The following KCNQ1 variants were observed in gnomAD, a reference collection of about 807,000 sequenced individuals.
KCNQ1 encodes potassium voltage-gated channel subfamily Q member 1, also known as potassium voltage-gated channel subfamily KQT member 1.
In KCNQ1, 49 loss-of-function variants were observed where a neutral mutation model predicts 72.4. The ratio of observed to expected loss-of-function variants is 0.68; its 90% confidence interval spans 0.54 to 0.86. The LOEUF (loss-of-function observed/expected upper bound fraction) is 0.86. Among genes scored for constraint, KCNQ1 ranks in the 40% least tolerant of loss-of-function variants. KCNQ1 has a pLI of 0.00. For missense variants in KCNQ1, 790 were observed against 945.1 expected (o/e 0.84, Z 2.15); for synonymous variants, 450 against 412.6 (o/e 1.09, Z -1.10).
Position 2,671,385 on chromosome 11 carries a change from G to A in KCNQ1, c.1514+9304G>A. ...TCCTGAAAAAGGTACAGGAACACCT[G>A]GCATGCCTCTCCCAGGGTACTCTGG... On this transcript the variant is annotated intron_variant, in intron 11 of 15. Coordinates refer to ENST00000155840, the MANE Select transcript of KCNQ1 (RefSeq NM_000218.3). The surrounding 1 kb of genome is among the most constrained non-coding windows in gnomAD (Gnocchi z 4.7). 1.8e-5 allele frequency: 7 copies of A among 398,532 alleles called. No individual in the cohort carries two copies. Among genetic ancestry groups the A allele is most frequent in the Non-Finnish European group, 2.2e-5 (5 of 226,056 alleles). The allele number at this position is 398,532 out of a possible 1,614,324, so 24.7% of individuals were successfully genotyped here.
intron 11 of KCNQ1, among the ~76,000 whole-genome samples, chr11:2,733,356 C>G (rs1219565334): frequency 6.6e-6 from 1 of 152,080 alleles, no homozygotes; most frequent in Non-Finnish European, 1.5e-5. Context: ...TCCTTCACTG[C>G]GACCCCGACC....
At chr11:2,730,755 C>T (rs1845845140) in intron 11 of KCNQ1, among the ~76,000 whole-genome samples, 1 of 152,160 alleles carries the variant, frequency 6.6e-6, no homozygotes, top group South Asian at 2.1e-4. Context: ...GAGGGGCTGC[C>T]CCTGGGAGAC....
intron 11 of KCNQ1, among the ~76,000 whole-genome samples, chr11:2,755,416 A>C (rs1181523873): frequency 6.6e-6 from 1 of 152,112 alleles, no homozygotes; most frequent in East Asian, 1.9e-4. Flanking sequence ...GCGCCTGGCT[A>C]ATTTTGTTTA....
chr11:2,617,713 C>A lies in KCNQ1; in HGVS notation c.1393+28859C>A. On this transcript the variant is annotated intron_variant, in intron 10 of 15. Coordinates refer to ENST00000155840, the MANE Select transcript of KCNQ1 (RefSeq NM_000218.3). This position sits in a 1 kb window ranked among gnomAD's most constrained non-coding sequence, Gnocchi z 4.6. ...AAGAGTTCCCTAACCCTAGCCAACA[C>A]TTAATAGCTATTCTCATGAGTGTGA... is the stretch of plus-strand genomic sequence containing the variant. The A allele has an allele frequency of 5.0e-6, 2 of 398,458 alleles. No individual in the cohort carries two copies. The highest frequency in any genetic ancestry group is 2.5e-4 in the South Asian group (2 of 7,860). 24.7% of individuals were successfully genotyped at this position (398,458 alleles called of 1,614,324 possible). A position where few individuals can be genotyped will look rare whatever the true frequency, so the allele number is the denominator to read the frequency against.
At chr11:2,628,992 A>G (rs1227821490) in intron 10 of KCNQ1, 2 of 398,116 alleles carry the variant, frequency 5.0e-6, no homozygotes, top group Non-Finnish European at 8.9e-6. Flanking sequence ...CAGTACCATA[A>G]CTTTGAAATA....
rs1322783663 is a variant in KCNQ1 at position 2,547,825 on chromosome 11, G to C, written c.477+19807G>C. ...TGGAGCGGCCGGGCTGCGAGTCTCTGTATGGAGGTGAAGGTCCAGATGTTG... is the reference window on the plus strand; with the variant it reads ...TGGAGCGGCCGGGCTGCGAGTCTCTCTATGGAGGTGAAGGTCCAGATGTTG... On this transcript the variant is annotated intron_variant, in intron 2 of 15. Coordinates refer to ENST00000155840, the MANE Select transcript of KCNQ1 (RefSeq NM_000218.3). This position sits in a 1 kb window ranked among gnomAD's most constrained non-coding sequence, Gnocchi z 4.2. Among the ~76,000 whole-genome samples the C allele has an allele frequency of 6.6e-6, 1 of 152,218 alleles. No individual in the cohort carries two copies. Among genetic ancestry groups the C allele is most frequent in the Admixed American group, 6.5e-5 (1 of 15,290 alleles).
rs1168072539 is a variant in KCNQ1, at chr11:2,848,413, C to A, written c.*410C>A. 1 of 478,864 alleles carries A rather than the reference C, an allele frequency of 2.1e-6. No individual in the cohort carries two copies. Among genetic ancestry groups the A allele is most frequent in the Non-Finnish European group, 4.1e-6 (1 of 243,514 alleles). The allele number at this position is 478,864 out of a possible 1,614,324, so 29.7% of individuals were successfully genotyped here. The stretch of plus-strand genomic sequence containing the variant: ...AGGGGAGACAGAGCAACCCCTGGAC[C>A]CCAGCCTCAAATCCAGGACCCTGCC... On this transcript the variant is annotated 3_prime_UTR_variant, in exon 16 of 16. Coordinates refer to ENST00000155840, the MANE Select transcript of KCNQ1 (RefSeq NM_000218.3).
rs150504250 is a variant in KCNQ1 at position 2,706,646 on chromosome 11, C to T, written c.1514+44565C>T. The stretch of plus-strand genomic sequence containing the variant: ...TTAGTCTGACCCTTGTCAGGGGCAG[C>T]AAAGTGGGCTCAGCCTACCTGTTGG... On this transcript the variant is annotated intron_variant, in intron 11 of 15. Coordinates refer to ENST00000155840, the MANE Select transcript of KCNQ1 (RefSeq NM_000218.3). Among the ~76,000 whole-genome samples, 495 of 152,382 alleles carry T rather than the reference C, an allele frequency of 3.2e-3. 2 individuals are homozygous for T. Among genetic ancestry groups the T allele is most frequent in the African/African-American group, 0.011 (478 of 41,590 alleles).
rs1250843741 is a variant in KCNQ1, at chr11:2,595,095, A to T, written c.1393+6241A>T. 6.6e-6 allele frequency among the ~76,000 whole-genome samples: 1 copy of T among 152,200 alleles called. No individual in the cohort carries two copies. Among genetic ancestry groups the T allele is most frequent in the African/African-American group, 2.4e-5 (1 of 41,444 alleles). ...ATGTTTTAGATATGGGATCTTCTAG[A>T]CAACCTATGCAGTGTAAACAGAAAC... On this transcript the variant is annotated intron_variant, in intron 10 of 15. Transcript: ENST00000155840. The surrounding 1 kb of genome is among the most constrained non-coding windows in gnomAD (Gnocchi z 5.0).
Position 2,475,886 on chromosome 11 carries a change from T to C in KCNQ1, c.386+30402T>C, listed in dbSNP as rs1846562265. 6.6e-6 allele frequency among the ~76,000 whole-genome samples: 1 copy of C among 152,248 alleles called. No individual in the cohort carries two copies. Among genetic ancestry groups the C allele is most frequent in the African/African-American group, 2.4e-5 (1 of 41,468 alleles). On this transcript the variant is annotated intron_variant, in intron 1 of 15. Transcript: ENST00000155840. This position sits in a 1 kb window ranked among gnomAD's most constrained non-coding sequence, Gnocchi z 5.8. ...ACTTGGTCCTCCTTGCCTTCCGCCA[T>C]GATTGTGAGGCTTCCCCAGCCACAT... is the stretch of plus-strand genomic sequence containing the variant.
In KCNQ1 at chr11:2,848,557, T is replaced by C. The variant is rs886048172; in HGVS notation, c.*554T>C. 4.4e-6 allele frequency: 2 copies of C among 454,258 alleles called. No individual in the cohort carries two copies. The highest frequency in any genetic ancestry group is 4.4e-6 in the Non-Finnish European group (1 of 226,842). 28.1% of individuals were successfully genotyped at this position (454,258 alleles called of 1,614,324 possible). A position where few individuals can be genotyped will look rare whatever the true frequency, so the allele number is the denominator to read the frequency against. On this transcript the variant is annotated 3_prime_UTR_variant, in exon 16 of 16. Transcript: ENST00000155840. ...CTCACTCTCAGGAAATGCTGACCCA[T>C]GGGCAGGAGACTGTGGAGACTGCTC...
chr11:2,793,279 G>T (rs1471438713), intron 15 of KCNQ1, among the ~76,000 whole-genome samples: 1 of 152,206 alleles, frequency 6.6e-6, no homozygotes. Context: ...AATTGCACTA[G>T]CAGGGTCATG....
At chr11:2,788,103 C>T (rs555803709) in intron 15 of KCNQ1, among the ~76,000 whole-genome samples, 9 of 152,268 alleles carry the variant, frequency 5.9e-5, no homozygotes, top group South Asian at 2.1e-4. Flanking sequence ...AGGGACCATA[C>T]GGGAGAGCAC....
At position 2,658,783 on chromosome 11, in the gene KCNQ1, A is replaced by T. The variant is rs1849897888; in HGVS notation, c.1394-3178A>T. ...AGTTCATACTGACATTTCTGACCAG[A>T]GTTCATCCTTGCCCCCTCCCCCACA... On this transcript the variant is annotated intron_variant, in intron 10 of 15. Transcript: ENST00000155840. The surrounding 1 kb of genome is among the most constrained non-coding windows in gnomAD (Gnocchi z 4.9). The T allele has an allele frequency of 7.5e-6, 3 of 398,544 alleles. No individual in the cohort carries two copies. Among genetic ancestry groups the T allele is most frequent in the Non-Finnish European group, 1.3e-5 (3 of 226,044 alleles). 24.7% of individuals were successfully genotyped at this position (398,544 alleles called of 1,614,324 possible). A position where few individuals can be genotyped will look rare whatever the true frequency, so the allele number is the denominator to read the frequency against.
At position 2,826,218 on chromosome 11, in the gene KCNQ1, A is replaced by C. The variant is rs1056130830; in HGVS notation, c.1795-21549A>C. On this transcript the variant is annotated intron_variant, in intron 15 of 15. Transcript: ENST00000155840. The surrounding 1 kb of genome is among the most constrained non-coding windows in gnomAD (Gnocchi z 4.2). ...TTGTTTTTCATGTCAGCTGCATTTT[A>C]AGGCTACATTTCACGTCAGCTGTGA... Among the ~76,000 whole-genome samples the C allele has an allele frequency of 3.9e-5, 6 of 152,190 alleles. No individual in the cohort carries two copies. The highest frequency in any genetic ancestry group is 1.3e-4 in the Admixed American group (2 of 15,288).
rs539885664 is a variant in KCNQ1 at position 2,464,485 on chromosome 11, C to T, written c.386+19001C>T. 1.3e-5 allele frequency among the ~76,000 whole-genome samples: 2 copies of T among 151,998 alleles called. No individual in the cohort carries two copies. Among genetic ancestry groups the T allele is most frequent in the African/African-American group, 2.4e-5 (1 of 41,368 alleles). ...AGTGTGATTTGACCTAGGAGAGTGCCGGGGTGGGGGCAGGTGCACTGTGGT... is the reference window on the plus strand; with the variant it reads ...AGTGTGATTTGACCTAGGAGAGTGCTGGGGTGGGGGCAGGTGCACTGTGGT... On this transcript the variant is annotated intron_variant, in intron 1 of 15. Coordinates refer to ENST00000155840, the MANE Select transcript of KCNQ1 (RefSeq NM_000218.3). The surrounding 1 kb of genome is among the most constrained non-coding windows in gnomAD (Gnocchi z 5.0).
intron 2 of KCNQ1, among the ~76,000 whole-genome samples, chr11:2,530,864 T>G (rs1176166399): frequency 6.6e-6 from 1 of 152,192 alleles, no homozygotes; most frequent in Non-Finnish European, 1.5e-5. Context: ...CCTATGTGTA[T>G]GTACGTGTGT....
Position 2,579,550 on chromosome 11 carries a change from T to C in KCNQ1, c.922-3885T>C, listed in dbSNP as rs1409854964. ...CATTCCTGAGCTGCCTGTGTCTGAATGCAGGAAAAACAAACAGGTCTGCAG... is the reference window on the plus strand; with the variant it reads ...CATTCCTGAGCTGCCTGTGTCTGAACGCAGGAAAAACAAACAGGTCTGCAG... On this transcript the variant is annotated intron_variant, in intron 6 of 15. Coordinates refer to ENST00000155840, the MANE Select transcript of KCNQ1 (RefSeq NM_000218.3). The surrounding 1 kb of genome is among the most constrained non-coding windows in gnomAD (Gnocchi z 6.0). Among the ~76,000 whole-genome samples, 1 of 152,202 alleles carries C rather than the reference T, an allele frequency of 6.6e-6. No homozygotes were observed. The highest frequency in any genetic ancestry group is 1.5e-5 in the Non-Finnish European group (1 of 68,034).
rs1846609613 is a variant in KCNQ1, at chr11:2,772,028, A to G, written c.1590+3109A>G. On this transcript the variant is annotated intron_variant, in intron 12 of 15. Coordinates refer to ENST00000155840, the MANE Select transcript of KCNQ1 (RefSeq NM_000218.3). The surrounding 1 kb of genome is among the most constrained non-coding windows in gnomAD (Gnocchi z 6.6). ...CAACAGCAGGATCCTCGCAGGGCAC[A>G]GAGGCTCCTGCACAAAGCCGCTGGG... Among the ~76,000 whole-genome samples, 1 of 152,192 alleles carries G rather than the reference A, an allele frequency of 6.6e-6. No homozygotes were observed. The highest frequency in any genetic ancestry group is 6.5e-5 in the Admixed American group (1 of 15,292).
Sources: gnomAD v4.1 joint callset for allele counts (sites outside exome capture counted in the v4.1 genomes callset) on GRCh38, gnomAD v4.1.1 for gene constraint, Gnocchi (gnomAD v3.1) non-coding constraint, MANE v1.5 for transcripts, NCBI Gene and HGNC (gene_info 2026-07-23, HGNC 2026-07-21) for gene names.